The following PIK3R4 variants were observed in gnomAD, a reference collection of about 807,000 sequenced individuals.
PIK3R4 encodes the protein phosphoinositide 3-kinase regulatory subunit 4.
PIK3R4 carries 46 observed loss-of-function variants against 136.5 expected under a neutral mutation model. The ratio of observed to expected loss-of-function variants is 0.34; its 90% CI spans 0.27 to 0.43. The LOEUF is 0.43. PIK3R4 is among the 20% of genes least tolerant of loss of function. The probability of loss-of-function intolerance (pLI) is 1.00; values close to 1 mark genes in which losing one functional copy is unlikely to be tolerated. For synonymous variants in PIK3R4, 557 were observed against 566.7 expected (o/e 0.98, Z 0.24); for missense variants, 1,331 against 1,649.5 (o/e 0.81, Z 3.35).
intron 13 of PIK3R4, among the ~76,000 whole-genome samples, chr3:130,702,222 T>C (rs1039388333): frequency 8.5e-5 from 13 of 152,074 alleles, no homozygotes; most frequent in Admixed American, 8.5e-4. Context: ...AGAGCAAATA[T>C]AGTAAAATCA....
chr3:130,746,051 T>C (rs1576466754), intron 1 of PIK3R4, among the ~76,000 whole-genome samples: 2 of 150,182 alleles, frequency 1.3e-5, no homozygotes, highest in African/African-American at 4.9e-5. Context: ...AAAGAAAAAC[T>C]GAAAACTGAA....
chr3:130,680,216 T>G (rs2066449354), intron 19 of PIK3R4, among the ~76,000 whole-genome samples: 1 of 152,230 alleles, frequency 6.6e-6, no homozygotes, highest in African/African-American at 2.4e-5. Flanking sequence ...TAAAGGTATA[T>G]TCTCACTTGA....
intron 2 of PIK3R4, among the ~76,000 whole-genome samples, chr3:130,739,298 G>A (rs952237699): frequency 6.6e-6 from 1 of 152,136 alleles, no homozygotes; most frequent in Non-Finnish European, 1.5e-5. Flanking sequence ...AGATGGTCTC[G>A]ATCTCCTGAC....
At chr3:130,713,381 G>A (rs1045887442) in intron 9 of PIK3R4, among the ~76,000 whole-genome samples, 13 of 152,152 alleles carry the variant, frequency 8.5e-5, no homozygotes, top group South Asian at 2.1e-4. Context: ...ATGAATATAC[G>A]AAGCACTAAC....
rs200424389 is a variant in PIK3R4, at chr3:130,733,514, C to T, written c.1450+34G>A. 3 of 1,382,490 alleles carry T rather than the reference C, an allele frequency of 2.2e-6. No homozygotes were observed. The East Asian group carries it at 6.9e-5, about 32-fold the overall frequency. The allele number at this position is 1,382,490 out of a possible 1,614,324, so 85.6% of individuals were successfully genotyped here. ...TTATAGTCATTAACTTAAAAAATAT[C>T]TAAGTGGCTAATATTTGGACAATAA... On this transcript the variant is annotated intron_variant, in intron 4 of 19. Transcript: ENST00000356763.
At chr3:130,688,096 T>C (rs2066498669) in intron 14 of PIK3R4, among the ~76,000 whole-genome samples, 1 of 152,190 alleles carries the variant, frequency 6.6e-6, no homozygotes, top group Non-Finnish European at 1.5e-5. Context: ...TGCCTATGCA[T>C]ACACAAATAT....
At chr3:130,720,695 T>C (rs796161836) in intron 7 of PIK3R4, among the ~76,000 whole-genome samples, 9 of 152,260 alleles carry the variant, frequency 5.9e-5, no homozygotes, top group Middle Eastern at 3.4e-3. Flanking sequence ...TTAACAACTA[T>C]CAATGCATGA....
At chr3:130,696,185 A>G (rs920486560) in intron 13 of PIK3R4, among the ~76,000 whole-genome samples, 4 of 151,362 alleles carry the variant, frequency 2.6e-5, no homozygotes, top group African/African-American at 9.7e-5. Context: ...ATTGATCACT[A>G]TAGTAAAGGT....
At chr3:130,700,300 ATTGTT>A (rs1221530602) in intron 13 of PIK3R4, among the ~76,000 whole-genome samples, 4 of 152,160 alleles carry the variant, frequency 2.6e-5, no homozygotes, top group Non-Finnish European at 5.9e-5. Flanking sequence ...TACTGCTCAT[ATTGTT>A]TTAAGTTTTC....
At chr3:130,741,330 A>G (rs902970048) in intron 2 of PIK3R4, among the ~76,000 whole-genome samples, 6 of 152,230 alleles carry the variant, frequency 3.9e-5, no homozygotes, top group Non-Finnish European at 8.8e-5. Context: ...GAGGTCTCAG[A>G]AGAAACCAAC....
At chr3:130,717,460 A>G (rs904336501) in intron 8 of PIK3R4, among the ~76,000 whole-genome samples, 2 of 152,102 alleles carry the variant, frequency 1.3e-5, no homozygotes, top group African/African-American at 4.8e-5. Context: ...GGAAGCATAA[A>G]CTTTTCTAAA....
chr3:130,688,416 C>CCCTT (rs2066500133), intron 14 of PIK3R4, among the ~76,000 whole-genome samples: 1 of 152,190 alleles, frequency 6.6e-6, no homozygotes, highest in East Asian at 1.9e-4. Context: ...ATTCGCCATG[C>CCCTT]CCTTCAATGT....
Position 130,744,648 on chromosome 3 carries a change from G to A in PIK3R4, c.571C>T (p.Arg191Trp), listed in dbSNP as rs2066842938. The A allele has an allele frequency of 1.2e-6, 2 of 1,614,206 alleles. No homozygotes were observed. The highest frequency in any genetic ancestry group is 1.7e-6 in the Non-Finnish European group (2 of 1,180,030). ...GGAGCAATATAGCAAGTTCTCCTCCGTGATGTGTCAAAGAAATAATTGAAA... is the reference window on the plus strand; with the variant it reads ...GGAGCAATATAGCAAGTTCTCCTCCATGATGTGTCAAAGAAATAATTGAAA... ...ADFNYFFDTS[R>W]RRTCYIAPER... is the part of the protein sequence containing the mutation. The change falls in exon 2 of 20, where the codon CGG becomes TGG. Residue 191 changes from arginine to tryptophan, a missense_variant. Physicochemically the swap from Arg to Trp is moderately radical, Grantham distance 101 (BLOSUM62 -3). Coordinates refer to ENST00000356763, the MANE Select transcript of PIK3R4 (RefSeq NM_014602.3).
intron 9 of PIK3R4, among the ~76,000 whole-genome samples, chr3:130,712,551 C>T (rs1413054319): frequency 1.3e-5 from 2 of 151,942 alleles, no homozygotes; most frequent in African/African-American, 2.4e-5. Context: ...GCCGGTAATA[C>T]CAGCTACTCA....
In PIK3R4 at chr3:130,728,683, C is replaced by CCTG; in HGVS notation, c.1586_1587insCAG (p.Glu529delinsAspArg). The CCTG allele has an allele frequency of 8.9e-7, 1 of 1,126,638 alleles. No individual in the cohort carries two copies. Among genetic ancestry groups the CCTG allele is most frequent in the Non-Finnish European group, 1.2e-6 (1 of 848,448 alleles). The allele number at this position is 1,126,638 out of a possible 1,614,324, so 69.8% of individuals were successfully genotyped here. ...GGACCATTTCATGTAAGGCTTGGAG[C>CCTG]TCTAAAAAAAAAAAAAAAAGAAAGA... On this transcript the variant is annotated protein_altering_variant and splice_region_variant, in exon 6 of 20. Coordinates refer to ENST00000356763, the MANE Select transcript of PIK3R4 (RefSeq NM_014602.3).
chr3:130,698,351 T>G (rs530238219), intron 13 of PIK3R4, among the ~76,000 whole-genome samples: 1 of 152,224 alleles, frequency 6.6e-6, no homozygotes, highest in African/African-American at 2.4e-5. Context: ...GAATGCTTGA[T>G]AGTGCACCAC....
chr3:130,718,575 T>C, intron 7 of PIK3R4, 41 bp from the exon 8 acceptor site: 1 of 1,606,394 alleles, frequency 6.2e-7, no homozygotes, highest in Non-Finnish European at 8.5e-7. Context: ...ATAAGTTATT[T>C]CAAACTATCG....
chr3:130,686,401 G>A lies in PIK3R4; in HGVS notation c.3285C>T (p.Asp1095=), dbSNP rs139162560. The change falls in exon 15 of 20, where the codon GAC becomes GAT. Residue 1095 remains aspartate (D), a synonymous_variant. Coordinates refer to ENST00000356763, the MANE Select transcript of PIK3R4 (RefSeq NM_014602.3). ...LQSRILDQKE[D]GCVVDMHHFN... ...AGTGATGCATATCCACAACACAACC[G>A]TCCTCCTTCTGATCTAGAATTCTAG... 1.3e-4 allele frequency: 209 copies of A among 1,609,616 alleles called. No homozygotes were observed. Among genetic ancestry groups the A allele is most frequent in the South Asian group, 1.2e-3 (109 of 90,996 alleles).
intron 12 of PIK3R4, among the ~76,000 whole-genome samples, chr3:130,704,506 T>C (rs375831231): frequency 1.3e-5 from 2 of 152,288 alleles, no homozygotes; most frequent in African/African-American, 4.8e-5. Flanking sequence ...TCCACATCAG[T>C]AGCCCATAGG....
Sources: allele counts gnomAD v4.1 joint callset (sites outside exome capture counted in the v4.1 genomes callset), GRCh38; gene constraint gnomAD v4.1.1; transcripts MANE v1.5; gene names NCBI Gene and HGNC (gene_info 2026-07-23, HGNC 2026-07-21).